The following GNG7 variants were observed in gnomAD, a reference collection of about 807,000 sequenced individuals.
GNG7 encodes guanine nucleotide-binding protein G(I)/G(S)/G(O) subunit gamma-7.
Under a neutral mutation model 4.0 loss-of-function variants are expected in GNG7, and 1 was observed. The ratio of observed to expected loss-of-function variants is 0.25; its 90% CI spans 0.09 to 1.18. The LOEUF (loss-of-function observed/expected upper bound fraction) is 1.18. Ranked by LOEUF, GNG7 falls within the 50% of genes most tolerant of loss-of-function variation. The probability of loss-of-function intolerance (pLI) is 0.50; values close to 1 mark genes in which losing one functional copy is unlikely to be tolerated. For missense variants in GNG7, 86 were observed against 91.9 expected (o/e 0.94, Z 0.26); for synonymous variants, 34 against 36.9 (o/e 0.92, Z 0.29).
chr19:2,621,987 C>G (rs954016672), intron 2 of GNG7, among the ~76,000 whole-genome samples: 1 of 152,158 alleles, frequency 6.6e-6, no homozygotes, highest in African/African-American at 2.4e-5. Flanking sequence ...AGAGGCTCGT[C>G]TGCCCCTTTT....
At position 2,685,027 on chromosome 19, in the gene GNG7, C is replaced by A. The variant is rs550248073; in HGVS notation, c.-135+17619G>T. Among the ~76,000 whole-genome samples the A allele has an allele frequency of 4.0e-5, 6 of 151,752 alleles. No homozygotes were observed. The South Asian group carries it at 1.3e-3, about 32-fold the overall frequency. On this transcript the variant is annotated intron_variant, in intron 1 of 4. Coordinates refer to ENST00000382159, the MANE Select transcript of GNG7 (RefSeq NM_052847.3). Reference sequence around the variant, plus strand: ...TAATCCCAGCTACTCAGGAGGCTGACGCAGGAGAATCGCTTGAACCCAGGA... The same window carrying A: ...TAATCCCAGCTACTCAGGAGGCTGAAGCAGGAGAATCGCTTGAACCCAGGA...
At chr19:2,537,348 C>A (rs781146732) in intron 3 of GNG7, among the ~76,000 whole-genome samples, 2 of 152,098 alleles carry the variant, frequency 1.3e-5, no homozygotes, top group Admixed American at 1.3e-4. Flanking sequence ...CGGGCTCAAG[C>A]GATCCTCCTG....
At position 2,661,292 on chromosome 19, in the gene GNG7, AAGAAAGAAAG is replaced by A. The variant is rs1270558177; in HGVS notation, c.-134-15022_-134-15013del. Among the ~76,000 whole-genome samples, 242 of 37,820 alleles carry A rather than the reference AAGAAAGAAAG, an allele frequency of 6.4e-3. 21 individuals are homozygous for A. The highest frequency in any genetic ancestry group is 0.018 in the South Asian group (18 of 1,006). 24.8% of individuals were successfully genotyped at this position (37,820 alleles called of 152,430 possible). On this transcript the variant is annotated intron_variant, in intron 1 of 4. Transcript: ENST00000382159. ...AAGAAAAGAAAGAAAGAAAGAAAGA[AAGAAAGAAAG>A]AGAAAGAAAGAAAGAAAGAAAGAAA...
chr19:2,596,626 G>A (rs925941279), intron 2 of GNG7, among the ~76,000 whole-genome samples: 12 of 151,376 alleles, frequency 7.9e-5, no homozygotes, highest in African/African-American at 2.7e-4. Flanking sequence ...CCATGATTAT[G>A]CCACTGCACT....
Position 2,588,313 on chromosome 19 carries a change from A to C in GNG7, c.-77-33125T>G, listed in dbSNP as rs1980737110. On this transcript the variant is annotated intron_variant, in intron 2 of 4. Coordinates refer to ENST00000382159, the MANE Select transcript of GNG7 (RefSeq NM_052847.3). Reference sequence around the variant, plus strand: ...GAATTGCAACTGGCCTTTACATCCTAATCAGCTCCCTGAGGACAACCCGAA... The same window carrying C: ...GAATTGCAACTGGCCTTTACATCCTCATCAGCTCCCTGAGGACAACCCGAA... 2.6e-5 allele frequency among the ~76,000 whole-genome samples: 4 copies of C among 152,194 alleles called. No homozygotes were observed. The South Asian group carries it at 6.2e-4, about 24-fold the overall frequency.
intron 1 of GNG7, among the ~76,000 whole-genome samples, chr19:2,669,844 T>G (rs1983405526): frequency 6.6e-6 from 1 of 151,788 alleles, no homozygotes; most frequent in Non-Finnish European, 1.5e-5. Context: ...ACCCCGTCTC[T>G]ACTAAAAATA....
intron 2 of GNG7, among the ~76,000 whole-genome samples, chr19:2,568,212 CAT>C (rs774393766): frequency 7.3e-4 from 110 of 151,536 alleles, no homozygotes; most frequent in African/African-American, 1.1e-3. Flanking sequence ...TAGACATACA[CAT>C]ACAGACATGC....
chr19:2,696,022 T>C (rs1913236724), intron 1 of GNG7, among the ~76,000 whole-genome samples: 1 of 151,664 alleles, frequency 6.6e-6, no homozygotes, highest in African/African-American at 2.4e-5. Flanking sequence ...CTGGGTGTGG[T>C]GGTGCATGCC....
At chr19:2,568,592 CATAT>C (rs200630276) in intron 2 of GNG7, among the ~76,000 whole-genome samples, 1 of 143,368 alleles carries the variant, frequency 7.0e-6, no homozygotes, top group East Asian at 2.0e-4. Flanking sequence ...CAAATACACA[CATAT>C]ATAGACATAC....
chr19:2,650,780 C>T (rs917337499), intron 1 of GNG7, among the ~76,000 whole-genome samples: 5 of 152,212 alleles, frequency 3.3e-5, no homozygotes, highest in South Asian at 2.1e-4. Flanking sequence ...CTGACAGAAA[C>T]GCTGTGTTTT....
intron 1 of GNG7, among the ~76,000 whole-genome samples, chr19:2,661,295 AAAGAAAG>A (rs1983156408): frequency 2.2e-5 from 1 of 45,948 alleles, no homozygotes; most frequent in Non-Finnish European, 4.0e-5. Flanking sequence ...AGAAAGAAAG[AAAGAAAG>A]AGAAAGAAAG....
At chr19:2,675,592 A>G (rs565942846) in intron 1 of GNG7, among the ~76,000 whole-genome samples, 2 of 152,356 alleles carry the variant, frequency 1.3e-5, no homozygotes, top group South Asian at 4.1e-4. Context: ...ATTGGCTCCT[A>G]TGAGGGACTG....
At chr19:2,535,329 A>AC (rs1978701722) in intron 3 of GNG7, among the ~76,000 whole-genome samples, 1 of 149,292 alleles carries the variant, frequency 6.7e-6, no homozygotes, top group African/African-American at 2.5e-5. Context: ...ACTCTACAAA[A>AC]AAAAAAAAAA....
Position 2,626,405 on chromosome 19 carries a change from T to C in GNG7, c.-78+19819A>G, listed in dbSNP as rs1982023381. On this transcript the variant is annotated intron_variant, in intron 2 of 4. Transcript: ENST00000382159. This position sits in a 1 kb window ranked among gnomAD's most constrained non-coding sequence, Gnocchi z 5.0. Reference sequence around the variant, plus strand: ...CTGGACCCAAACCAATTGATTGTTGTCATGGGTGGAGCCGGAACCCGCTAT... The same window carrying C: ...CTGGACCCAAACCAATTGATTGTTGCCATGGGTGGAGCCGGAACCCGCTAT... Among the ~76,000 whole-genome samples, 1 of 152,150 alleles carries C rather than the reference T, an allele frequency of 6.6e-6. No homozygotes were observed. Among genetic ancestry groups the C allele is most frequent in the Non-Finnish European group, 1.5e-5 (1 of 68,024 alleles).
chr19:2,528,761 G>T (rs191016068), intron 3 of GNG7, among the ~76,000 whole-genome samples: 215 of 152,310 alleles, frequency 1.4e-3, no homozygotes, highest in African/African-American at 5.1e-3. Context: ...CTGAGCCCCA[G>T]TGACCTCTGT....
At chr19:2,623,087 G>A (rs922507034) in intron 2 of GNG7, among the ~76,000 whole-genome samples, 15 of 152,216 alleles carry the variant, frequency 9.9e-5, no homozygotes, top group African/African-American at 3.4e-4. Flanking sequence ...GGTGACCACA[G>A]GTTGGGCTGT....
intron 3 of GNG7, among the ~76,000 whole-genome samples, chr19:2,536,023 G>A (rs1300924872): frequency 3.3e-5 from 5 of 152,138 alleles, no homozygotes; most frequent in African/African-American, 1.2e-4. Context: ...TACTTGGATG[G>A]CTGAGGCAGG....
chr19:2,673,257 CAAAA>C (rs754605877), intron 1 of GNG7, among the ~76,000 whole-genome samples: 34 of 108,236 alleles, frequency 3.1e-4, no homozygotes, highest in African/African-American at 1.0e-3. Context: ...GATTCCATCT[CAAAA>C]AAAAAACAAA....
At chr19:2,584,069 A>AATATT (rs1428194796) in intron 2 of GNG7, among the ~76,000 whole-genome samples, 1 of 152,052 alleles carries the variant, frequency 6.6e-6, no homozygotes, top group East Asian at 1.9e-4. Context: ...GGCAGAAAAA[A>AATATT]ATATTATATT....
Sources: gnomAD v4.1 joint callset for allele counts (sites outside exome capture counted in the v4.1 genomes callset) on GRCh38, gnomAD v4.1.1 for gene constraint, Gnocchi (gnomAD v3.1) non-coding constraint, MANE v1.5 for transcripts, NCBI Gene and HGNC (gene_info 2026-07-23, HGNC 2026-07-21) for gene names.